The following PAX3 variants were observed in gnomAD, a reference collection of about 807,000 sequenced individuals.
The protein encoded by PAX3 is paired box 3.
In PAX3, 14 loss-of-function variants were observed where a neutral mutation model predicts 51.6. That is an observed-to-expected ratio of 0.27 (90% CI 0.18 to 0.42). The LOEUF (loss-of-function observed/expected upper bound fraction) is 0.42, where lower values mean the gene tolerates loss of function less well. Ranked by LOEUF, PAX3 falls within the 10% of genes least tolerant of loss-of-function variation. The pLI is 1.00. For missense variants in PAX3, 540 were observed against 642.8 expected (o/e 0.84, Z 1.73); for synonymous variants, 280 against 253.4 (o/e 1.11, Z -1.00).
At chr2:222,206,276 A>G (rs984669368) in intron 7 of PAX3, among the ~76,000 whole-genome samples, 10 of 152,122 alleles carry the variant, frequency 6.6e-5, no homozygotes, top group Non-Finnish European at 1.2e-4. Context: ...ATGCCAGGTA[A>G]ATCCAGGAGA....
At chr2:222,217,216 T>C (rs1182012655) in intron 7 of PAX3, among the ~76,000 whole-genome samples, 2 of 152,212 alleles carry the variant, frequency 1.3e-5, no homozygotes, top group African/African-American at 4.8e-5. Context: ...TTTATTTATC[T>C]ACAATGAACA....
At chr2:222,294,134 A>G in intron 4 of PAX3, 33 bp downstream of exon 4, 1 of 1,613,766 alleles carries the variant, frequency 6.2e-7, no homozygotes, top group Non-Finnish European at 8.5e-7. Flanking sequence ...CAAGTCACCC[A>G]GCAAGTGCGC....
At chr2:222,277,914 C>A (rs1694483893) in intron 4 of PAX3, among the ~76,000 whole-genome samples, 2 of 136,034 alleles carry the variant, frequency 1.5e-5, no homozygotes, top group Admixed American at 1.6e-4. Flanking sequence ...AGCCTGGCAA[C>A]AGAGCGAGAC....
chr2:222,221,507 G>T, intron 5 of PAX3, 120 bp from the exon 6 acceptor site: 1 of 924,316 alleles, frequency 1.1e-6, no homozygotes, highest in Non-Finnish European at 1.8e-6. Flanking sequence ...AGATGCAAGA[G>T]TTCTCTGCCT....
At chr2:222,251,261 A>C (rs1361238264) in intron 4 of PAX3, among the ~76,000 whole-genome samples, 3 of 149,982 alleles carry the variant, frequency 2.0e-5, no homozygotes, top group Admixed American at 6.6e-5. Flanking sequence ...ACCCTCCCCC[A>C]ACCCCACAAC....
At chr2:222,221,079 G>T (rs919895579) in intron 6 of PAX3, 143 bp downstream of exon 6, 1 of 811,236 alleles carries the variant, frequency 1.2e-6, no homozygotes, top group South Asian at 1.4e-5. Flanking sequence ...TTTCTGAAAT[G>T]TGATAGGTAC....
At chr2:222,213,330 A>G (rs568870596) in intron 7 of PAX3, among the ~76,000 whole-genome samples, 9 of 152,314 alleles carry the variant, frequency 5.9e-5, no homozygotes, top group East Asian at 5.8e-4. Context: ...TACCAGGTCA[A>G]TTACAGCCTG....
At chr2:222,281,553 G>C (rs576794852) in intron 4 of PAX3, among the ~76,000 whole-genome samples, 10 of 152,308 alleles carry the variant, frequency 6.6e-5, no homozygotes, top group South Asian at 6.2e-4. Flanking sequence ...CCTAAAGCTT[G>C]GCCACTATGG....
intron 4 of PAX3, among the ~76,000 whole-genome samples, chr2:222,267,488 AT>A (rs1294233738): frequency 6.6e-6 from 1 of 152,188 alleles, no homozygotes; most frequent in African/African-American, 2.4e-5. Context: ...TTGCAAAAAA[AT>A]CTATTCTTTC....
intron 5 of PAX3, among the ~76,000 whole-genome samples, chr2:222,223,381 C>T (rs1203123810): frequency 6.6e-6 from 1 of 152,154 alleles, no homozygotes; most frequent in East Asian, 1.9e-4. Context: ...TAAATTGCCA[C>T]CTGGGGTAAT....
intron 4 of PAX3, among the ~76,000 whole-genome samples, chr2:222,245,288 A>G (rs1022785565): frequency 6.6e-6 from 1 of 152,270 alleles, no homozygotes; most frequent in African/African-American, 2.4e-5. Flanking sequence ...GAAATTAAGC[A>G]CATGCCAACA....
intron 3 of PAX3, 47 bp downstream of exon 3, chr2:222,295,481 T>C (rs747978010): frequency 3.7e-6 from 6 of 1,611,154 alleles, no homozygotes; most frequent in South Asian, 1.1e-5. Context: ...GCCGGGGTAA[T>C]AGCGACTGAC....
At chr2:222,224,689 C>T (rs1692318772) in intron 5 of PAX3, among the ~76,000 whole-genome samples, 1 of 152,162 alleles carries the variant, frequency 6.6e-6, no homozygotes, top group Non-Finnish European at 1.5e-5. Flanking sequence ...TTTCTTGATA[C>T]TCCTAAGTCT....
chr2:222,298,106 C>CAA (rs3835977), intron 1 of PAX3: 3,083 of 163,062 alleles, frequency 0.019, 72 homozygotes, highest in African/African-American at 0.058. Flanking sequence ...CTTTGCAGGG[C>CAA]AAAAAAAAAA....
At chr2:222,288,743 A>AC (rs1035916018) in intron 4 of PAX3, among the ~76,000 whole-genome samples, 3 of 152,162 alleles carry the variant, frequency 2.0e-5, no homozygotes, top group Non-Finnish European at 4.4e-5. Flanking sequence ...AATTAAAAAC[A>AC]CCCCATGAGT....
intron 4 of PAX3, among the ~76,000 whole-genome samples, chr2:222,277,731 C>T (rs190336387): frequency 0.017 from 2,628 of 151,994 alleles, 46 homozygotes; most frequent in African/African-American, 0.044. Flanking sequence ...GTCAAGAGAC[C>T]GAGACCAGCC....
intron 4 of PAX3, among the ~76,000 whole-genome samples, chr2:222,275,196 G>A (rs191963217): frequency 3.3e-5 from 5 of 152,146 alleles, no homozygotes; most frequent in East Asian, 1.9e-4. Flanking sequence ...AAATAGCAGG[G>A]CTTATTATTC....
intron 5 of PAX3, among the ~76,000 whole-genome samples, chr2:222,231,587 C>T (rs45473302): frequency 6.6e-6 from 1 of 152,292 alleles, no homozygotes; most frequent in East Asian, 1.9e-4. Flanking sequence ...AGAGATGAAG[C>T]GTATGGGATC....
In PAX3 at chr2:222,295,575, T is replaced by C. The variant is rs1390228922; in HGVS notation, c.404A>G (p.Asp135Gly). ...ACAGACCGCGTCCTTGAGTAATTTG[T>C]CTCGGATTTCCCAGCTGAACATGCC... ...NPGMFSWEIR[D>G]KLLKDAVCDR... Residue 135 changes from aspartate to glycine, a missense_variant, in exon 3 of 9, where the codon GAC (aspartate) becomes GGC (glycine). By Grantham distance (94) the Asp-to-Gly change is moderately conservative (BLOSUM62 -1). Transcript: ENST00000392070. 4 of 1,614,220 alleles carry C rather than the reference T, an allele frequency of 2.5e-6. No homozygotes were observed. The highest frequency in any genetic ancestry group is 3.4e-6 in the Non-Finnish European group (4 of 1,180,042).
Sources: allele counts gnomAD v4.1 joint callset (sites outside exome capture counted in the v4.1 genomes callset), GRCh38; gene constraint gnomAD v4.1.1; transcripts MANE v1.5; gene names NCBI Gene and HGNC (gene_info 2026-07-23, HGNC 2026-07-21).